PPM1L: variants seen among roughly 807,000 people sequenced by gnomAD.
PPM1L encodes the protein protein phosphatase, Mg2+/Mn2+ dependent 1L, also known as protein phosphatase 1L.
PPM1L carries 13 observed loss-of-function variants against 31.4 expected under a neutral mutation model. The ratio of observed to expected loss-of-function variants is 0.41; its 90% CI spans 0.27 to 0.66. The LOEUF (loss-of-function observed/expected upper bound fraction) is 0.66. Among genes scored for constraint, PPM1L ranks in the 30% least tolerant of loss-of-function variants. The pLI is 0.29. For synonymous variants in PPM1L, 184 were observed against 175.4 expected, an observed-to-expected ratio of 1.05 and a Z score of -0.39; for missense variants, 326 against 453.7, an observed-to-expected ratio of 0.72 and a Z score of 2.56.
At chr3:161,045,829 G>A (rs1719043408) in intron 2 of PPM1L, among the ~76,000 whole-genome samples, 1 of 152,068 alleles carries the variant, frequency 6.6e-6, no homozygotes, top group African/African-American at 2.4e-5. Flanking sequence ...AAATCAATGA[G>A]GGCCAGGCGT....
intron 2 of PPM1L, chr3:161,022,219 A>G (rs1718253844): frequency 1.5e-6 from 1 of 649,536 alleles, no homozygotes; most frequent in Middle Eastern, 2.4e-4. Flanking sequence ...TCTAGTTCAT[A>G]TTAATTCTAA....
At chr3:160,986,698 T>A (rs1716976947) in intron 2 of PPM1L, among the ~76,000 whole-genome samples, 1 of 152,206 alleles carries the variant, frequency 6.6e-6, no homozygotes, top group African/African-American at 2.4e-5. Flanking sequence ...GAAGATAATT[T>A]AATCTTCCCT....
chr3:161,005,480 A>T (rs188570540), intron 2 of PPM1L, among the ~76,000 whole-genome samples: 2 of 152,318 alleles, frequency 1.3e-5, no homozygotes, highest in African/African-American at 4.8e-5. Context: ...TCTCAAGGTC[A>T]GAGTGGGAAG....
intron 1 of PPM1L, among the ~76,000 whole-genome samples, chr3:160,941,236 G>A (rs929004012): frequency 1.3e-5 from 2 of 152,138 alleles, no homozygotes; most frequent in South Asian, 2.1e-4. Flanking sequence ...GACTTGCCTC[G>A]TCTCAGGTGA....
intron 1 of PPM1L, among the ~76,000 whole-genome samples, chr3:160,831,946 G>C (rs1482386140): frequency 6.6e-6 from 1 of 152,174 alleles, no homozygotes; most frequent in Non-Finnish European, 1.5e-5. Flanking sequence ...TCTACAAGTA[G>C]TATTAATGAA....
At position 160,791,337 on chromosome 3, in the gene PPM1L, A is replaced by G. The variant is rs186104894; in HGVS notation, c.399+34630A>G. On this transcript the variant is annotated intron_variant, in intron 1 of 3. Coordinates refer to ENST00000498165, the MANE Select transcript of PPM1L (RefSeq NM_139245.4). ...TCCTAGTCTCTGTTTCTCATCTGAA[A>G]ATAGTAAGTAGGGATAATAATATAT... 2.0e-5 allele frequency among the ~76,000 whole-genome samples: 3 copies of G among 152,310 alleles called. No individual in the cohort carries two copies. The East Asian group carries it at 5.8e-4, about 29-fold the overall frequency.
At chr3:160,846,742 C>G (rs1184998679) in intron 1 of PPM1L, among the ~76,000 whole-genome samples, 1 of 152,082 alleles carries the variant, frequency 6.6e-6, no homozygotes, top group African/African-American at 2.4e-5. Flanking sequence ...TTATAATTAG[C>G]ATACCATAAA....
At chr3:160,899,301 G>C (rs1713459932) in intron 1 of PPM1L, among the ~76,000 whole-genome samples, 1 of 152,136 alleles carries the variant, frequency 6.6e-6, no homozygotes, top group African/African-American at 2.4e-5. Flanking sequence ...AAGCAGGCCT[G>C]TTCACTCTGA....
rs1714813263 is a variant in PPM1L at position 160,756,648 on chromosome 3, G to A, written c.340G>A (p.Asp114Asn). 6.2e-7 allele frequency: 1 copy of A among 1,614,014 alleles called. No individual in the cohort carries two copies. Residue 114 changes from aspartate to asparagine, a missense_variant, in exon 1 of 4, where the codon GAT becomes AAT. Asp to Asn is a conservative substitution (Grantham distance 23). This residue lies in a region of PPM1L where 83 missense variants were observed against 79.4 expected (regional missense o/e 1.04). Coordinates refer to ENST00000498165, the MANE Select transcript of PPM1L (RefSeq NM_139245.4). The surrounding 1 kb of genome is among the most constrained non-coding windows in gnomAD (Gnocchi z 6.2). Reference protein sequence around the residue: ...HMEDRFEVLTDLANKTHPSIF... With the variant: ...HMEDRFEVLTNLANKTHPSIF... ...GGAGGACCGCTTCGAAGTTCTCACG[G>A]ATCTGGCCAACAAGACGCACCCGTC...
In PPM1L at chr3:160,768,343, G is replaced by T. The variant is rs192402259; in HGVS notation, c.399+11636G>T. Reference sequence around the variant, plus strand: ...TTTTCACTATAATCCTTTCTCTCAAGAAATTCATCTCTGTATGTGAACTAG... The same window carrying T: ...TTTTCACTATAATCCTTTCTCTCAATAAATTCATCTCTGTATGTGAACTAG... On this transcript the variant is annotated intron_variant, in intron 1 of 3. Coordinates refer to ENST00000498165, the MANE Select transcript of PPM1L (RefSeq NM_139245.4). Among the ~76,000 whole-genome samples, 5 of 152,170 alleles carry T rather than the reference G, an allele frequency of 3.3e-5. No individual in the cohort carries two copies. The East Asian group carries it at 9.7e-4, about 29-fold the overall frequency.
rs1328365813 is a variant in PPM1L at position 161,069,991 on chromosome 3, A to T, written c.*834A>T. ...CCAAGAAACCACGTTAGGGGAAATG[A>T]AAAAAGCAAGCCACAATACCATGAT... is the stretch of plus-strand genomic sequence containing the variant. On this transcript the variant is annotated 3_prime_UTR_variant, in exon 4 of 4. Transcript: ENST00000498165. The T allele has an allele frequency of 6.6e-6, 1 of 152,218 alleles. No individual in the cohort carries two copies. Among genetic ancestry groups the T allele is most frequent in the African/African-American group, 2.4e-5 (1 of 41,448 alleles). 9.4% of individuals were successfully genotyped at this position (152,218 alleles called of 1,614,324 possible). A position where few individuals can be genotyped will look rare whatever the true frequency, so the allele number is the denominator to read the frequency against.
At chr3:160,820,125 G>C (rs1351121885) in intron 1 of PPM1L, among the ~76,000 whole-genome samples, 3 of 152,076 alleles carry the variant, frequency 2.0e-5, no homozygotes, top group Non-Finnish European at 4.4e-5. Context: ...AGGAGAGGAT[G>C]ATGAGGCATA....
At chr3:160,868,017 G>A (rs1712155738) in intron 1 of PPM1L, among the ~76,000 whole-genome samples, 1 of 152,158 alleles carries the variant, frequency 6.6e-6, no homozygotes, top group African/African-American at 2.4e-5. Context: ...TCTGCAAAAA[G>A]GTGATGAAGA....
chr3:160,913,120 C>T (rs184789418), intron 1 of PPM1L, among the ~76,000 whole-genome samples: 2 of 152,132 alleles, frequency 1.3e-5, no homozygotes, highest in African/African-American at 2.4e-5. Context: ...TTCCTGGAGA[C>T]ATGATTAAAA....
chr3:160,845,033 C>G (rs1165656664), intron 1 of PPM1L, among the ~76,000 whole-genome samples: 1 of 152,070 alleles, frequency 6.6e-6, no homozygotes, highest in Non-Finnish European at 1.5e-5. Flanking sequence ...TTCACTTGAA[C>G]AGTGTTTTCA....
chr3:160,782,865 GT>G (rs1212801157), intron 1 of PPM1L, among the ~76,000 whole-genome samples: 1 of 152,118 alleles, frequency 6.6e-6, no homozygotes, highest in Non-Finnish European at 1.5e-5. Context: ...TCTTTGCTCA[GT>G]TTTTAAATAC....
chr3:160,766,460 G>A (rs1019749914), intron 1 of PPM1L, among the ~76,000 whole-genome samples: 20 of 152,072 alleles, frequency 1.3e-4, no homozygotes, highest in Non-Finnish European at 1.9e-4. Flanking sequence ...TACTGAGTGA[G>A]TTCTCATGAG....
chr3:160,915,638 C>G (rs1394043324), intron 1 of PPM1L, among the ~76,000 whole-genome samples: 2 of 152,194 alleles, frequency 1.3e-5, no homozygotes, highest in Non-Finnish European at 2.9e-5. Flanking sequence ...CTGGGGGCAT[C>G]ATGCTACCTG....
intron 1 of PPM1L, among the ~76,000 whole-genome samples, chr3:160,790,702 T>C (rs1712079366): frequency 6.6e-6 from 1 of 152,048 alleles, no homozygotes; most frequent in Non-Finnish European, 1.5e-5. Context: ...GTATCTTTTT[T>C]TTGGAGGTAG....
Sources: gnomAD v4.1 joint callset for allele counts (sites outside exome capture counted in the v4.1 genomes callset) on GRCh38, gnomAD v4.1.1 for gene constraint, gnomAD v4.1.1 regional missense constraint, Gnocchi (gnomAD v3.1) non-coding constraint, MANE v1.5 for transcripts, NCBI Gene and HGNC (gene_info 2026-07-23, HGNC 2026-07-21) for gene names.